FRMPD3: variants seen among roughly 807,000 people sequenced by gnomAD.
The protein encoded by FRMPD3 is FERM and PDZ domain-containing protein 3.
FRMPD3 carries 42 observed loss-of-function variants against 97.9 expected under a neutral mutation model. That is an observed-to-expected ratio of 0.43 (90% CI 0.34 to 0.55). The LOEUF (loss-of-function observed/expected upper bound fraction) is 0.55, where lower values mean the gene tolerates loss of function less well. Among genes scored for constraint, FRMPD3 ranks in the 20% least tolerant of loss-of-function variants. FRMPD3 has a pLI of 0.03. For synonymous variants in FRMPD3, 577 were observed against 581.1 expected, an observed-to-expected ratio of 0.99 and a Z score of 0.10; for missense variants, 1,303 against 1,457.7, an observed-to-expected ratio of 0.89 and a Z score of 1.73.
chrX:107,574,476 C>T (rs1002832970), intron 12 of FRMPD3, among the ~76,000 whole-genome samples: 2 of 112,007 alleles, frequency 1.8e-5, no homozygotes, highest in Middle Eastern at 4.6e-3. Flanking sequence ...TGACAGAGCC[C>T]GTATGGCCCA....
chrX:107,568,215 G>T (rs182059625), intron 12 of FRMPD3, among the ~76,000 whole-genome samples: 1 of 110,555 alleles, frequency 9.0e-6, no homozygotes, highest in East Asian at 2.9e-4. Flanking sequence ...GCTAAACACA[G>T]AATTTATTTT....
intron 1 of FRMPD3, among the ~76,000 whole-genome samples, chrX:107,521,857 C>T (rs1285552778): frequency 1.8e-5 from 2 of 112,767 alleles, no homozygotes; most frequent in African/African-American, 6.4e-5. Context: ...AAGTGGATGC[C>T]TGGAAATTTA....
intron 7 of FRMPD3, among the ~76,000 whole-genome samples, chrX:107,553,492 G>A (rs1921951417): frequency 9.1e-6 from 1 of 110,257 alleles, no homozygotes; most frequent in African/African-American, 3.3e-5. Flanking sequence ...AGGATTCCTG[G>A]ATAGCATTTC....
intron 1 of FRMPD3, among the ~76,000 whole-genome samples, chrX:107,457,049 G>A (rs1443873597): frequency 9.0e-6 from 1 of 111,118 alleles, no homozygotes; most frequent in African/African-American, 3.3e-5. Context: ...TGAATGCGTG[G>A]GGTGAGGAAG....
At position 107,600,700 on chromosome X, in the gene FRMPD3, A is replaced by G; in HGVS notation, c.2661A>G (p.Glu887=). 2.5e-6 allele frequency: 3 copies of G among 1,203,689 alleles called. No individual in the cohort carries two copies. Among genetic ancestry groups the G allele is most frequent in the Non-Finnish European group, 3.4e-6 (3 of 891,723 alleles). The change falls in exon 15 of 15, where the codon GAA becomes GAG. Residue 887 remains glutamate, a synonymous_variant. Transcript: ENST00000683843. The part of the protein sequence containing the change: ...VHPALSPQLS[E]QKNLSLLSPV... Reference sequence around the variant, plus strand: ...CAGCACTGTCCCCACAGCTTAGTGAACAGAAGAATCTGAGTCTGCTGTCCC... The same window carrying G: ...CAGCACTGTCCCCACAGCTTAGTGAGCAGAAGAATCTGAGTCTGCTGTCCC...
intron 1 of FRMPD3, among the ~76,000 whole-genome samples, chrX:107,480,887 GGAAGGAAGGAAAGAAA>G (rs1225875771): frequency 9.8e-4 from 60 of 61,359 alleles, no homozygotes; most frequent in African/African-American, 2.9e-3. Context: ...AAGGAAGGAA[GGAAGGAAGGAAAGAAA>G]GAAAGAAAGA....
At chrX:107,565,093 C>T in intron 12 of FRMPD3, 27 bp downstream of exon 12, 1 of 1,134,792 alleles carries the variant, frequency 8.8e-7, no homozygotes, top group Non-Finnish European at 1.2e-6. Flanking sequence ...GGGCCTCCTT[C>T]TGTTTAGGAA....
chrX:107,554,357 C>T, intron 7 of FRMPD3, 28 bp from the exon 8 acceptor site: 1 of 1,197,897 alleles, frequency 8.3e-7, no homozygotes, highest in Non-Finnish European at 1.1e-6. Flanking sequence ...GATCTCTTTT[C>T]TTCTCCCCTT....
intron 4 of FRMPD3, among the ~76,000 whole-genome samples, chrX:107,539,727 C>T (rs964317530): frequency 1.8e-5 from 2 of 111,557 alleles, no homozygotes; most frequent in Non-Finnish European, 3.8e-5. Flanking sequence ...CTAATTTTAG[C>T]AATCAACTAA....
At chrX:107,477,570 G>T (rs778702650) in intron 1 of FRMPD3, among the ~76,000 whole-genome samples, 15 of 112,832 alleles carry the variant, frequency 1.3e-4, no homozygotes, top group Admixed American at 1.3e-3. Context: ...AATCCCACTC[G>T]CACAGCATTT....
At position 107,601,068 on chromosome X, in the gene FRMPD3, A is replaced by G; in HGVS notation, c.3029A>G (p.Lys1010Arg). ...SSSASKNLKF[K>R]ISPSAPETSW... Reference sequence around the variant, plus strand: ...AGTGCCAGTAAGAATCTGAAGTTCAAAATTAGCCCCAGTGCTCCAGAGACC... The same window carrying G: ...AGTGCCAGTAAGAATCTGAAGTTCAGAATTAGCCCCAGTGCTCCAGAGACC... Residue 1010 changes from lysine (K) to arginine (R), a missense_variant, in exon 15 of 15, where the codon AAA (lysine) becomes AGA (arginine). By Grantham distance (26) the Lys-to-Arg change is conservative. This residue lies in a region of FRMPD3 where 764 missense variants were observed against 820.2 expected (regional missense o/e 0.93). Transcript: ENST00000683843. 8.3e-7 allele frequency: 1 copy of G among 1,207,647 alleles called. No individual in the cohort carries two copies. The highest frequency in any genetic ancestry group is 1.1e-6 in the Non-Finnish European group (1 of 893,911).
intron 1 of FRMPD3, among the ~76,000 whole-genome samples, chrX:107,455,246 A>T (rs1301097524): frequency 9.1e-6 from 1 of 109,806 alleles, no homozygotes; most frequent in African/African-American, 3.3e-5. Context: ...TCTCCTCTCA[A>T]CTCCTCCGTC....
intron 13 of FRMPD3, among the ~76,000 whole-genome samples, chrX:107,594,970 C>G (rs1263515821): frequency 8.9e-6 from 1 of 112,147 alleles, no homozygotes; most frequent in African/African-American, 3.2e-5. Flanking sequence ...TTATTCATCT[C>G]AAAGTATTTT....
At chrX:107,539,842 C>G (rs922244964) in intron 4 of FRMPD3, among the ~76,000 whole-genome samples, 2 of 111,145 alleles carry the variant, frequency 1.8e-5, no homozygotes, top group African/African-American at 6.6e-5. Context: ...TGAGCAATGG[C>G]AGTGTGGATT....
intron 11 of FRMPD3, 70 bp downstream of exon 11, chrX:107,563,270 C>A: frequency 1.2e-6 from 1 of 850,868 alleles, no homozygotes; most frequent in Non-Finnish European, 1.7e-6. Context: ...GGTGTGGGGG[C>A]AGGAGGGGCA....
At chrX:107,574,112 T>C (rs5962852) in intron 12 of FRMPD3, among the ~76,000 whole-genome samples, 14,371 of 111,641 alleles carry the variant, frequency 0.13, 1,902 homozygotes, top group African/African-American at 0.4. Flanking sequence ...TAACTTGAGA[T>C]GTGTGATGAA....
chrX:107,568,848 C>T (rs886428672), intron 12 of FRMPD3, among the ~76,000 whole-genome samples: 3 of 110,124 alleles, frequency 2.7e-5, no homozygotes, highest in African/African-American at 9.9e-5. Flanking sequence ...AACTTGAGCC[C>T]AGGAGTTCAA....
chrX:107,558,448 G>A (rs770744024), intron 8 of FRMPD3, among the ~76,000 whole-genome samples: 36 of 110,530 alleles, frequency 3.3e-4, no homozygotes, highest in African/African-American at 9.2e-4. Flanking sequence ...GCAACATAGT[G>A]AGACCCCCAT....
chrX:107,573,981 A>G (rs767177251), intron 12 of FRMPD3, among the ~76,000 whole-genome samples: 6 of 112,435 alleles, frequency 5.3e-5, no homozygotes, highest in Non-Finnish European at 1.1e-4. Context: ...GAGGTTGCAC[A>G]TGAAGAACCA....
Sources: allele counts gnomAD v4.1 joint callset (sites outside exome capture counted in the v4.1 genomes callset), GRCh38; gene constraint gnomAD v4.1.1; regional missense constraint gnomAD v4.1.1; transcripts MANE v1.5; gene names NCBI Gene and HGNC (gene_info 2026-07-23, HGNC 2026-07-21).